Variants in TUBB6 observed in about 807,000 individuals in gnomAD.
TUBB6 encodes the protein tubulin beta-6 chain.
In TUBB6, 18 loss-of-function variants were observed where a neutral mutation model predicts 32.3. The ratio of observed to expected loss-of-function variants is 0.56; its 90% confidence interval spans 0.39 to 0.83. The LOEUF (loss-of-function observed/expected upper bound fraction) is 0.83, where lower values mean the gene tolerates loss of function less well. TUBB6 is among the 40% of genes least tolerant of loss of function. TUBB6 has a pLI of 0.00. For synonymous variants in TUBB6, 280 were observed against 265.8 expected (o/e 1.05, Z -0.52); for missense variants, 480 against 632.0 (o/e 0.76, Z 2.58).
intron 3 of TUBB6, among the ~76,000 whole-genome samples, chr18:12,317,618 C>A (rs9807728): frequency 0.065 from 9,889 of 152,274 alleles, 477 homozygotes; most frequent in East Asian, 0.2. Flanking sequence ...ACTTTTTCTT[C>A]CAGATTCAGG....
chr18:12,316,309 C>CT (rs1906671780), intron 3 of TUBB6, among the ~76,000 whole-genome samples: 1 of 152,176 alleles, frequency 6.6e-6, no homozygotes, highest in Non-Finnish European at 1.5e-5. Context: ...AGTGTAAGGT[C>CT]TTTCTAGCTG....
rs139388838 is a variant in TUBB6 at position 12,325,101 on chromosome 18, G to T, written c.312G>T (p.Gly104=). ...GTGCAGGGAACAACTGGGCGAAAGG[G>T]CACTACACGGAGGGCGCGGAGCTGG... ...QTGAGNNWAK[G]HYTEGAELVD... is the part of the protein sequence containing the mutation. The change falls in exon 4 of 4, where the codon GGG becomes GGT. Residue 104 remains glycine (G), a synonymous_variant. Coordinates refer to ENST00000317702, the MANE Select transcript of TUBB6 (RefSeq NM_032525.3). 59 of 1,588,488 alleles carry T rather than the reference G, an allele frequency of 3.7e-5. No individual in the cohort carries two copies. Among genetic ancestry groups the T allele is most frequent in the Non-Finnish European group, 4.8e-5 (56 of 1,164,882 alleles).
intron 3 of TUBB6, among the ~76,000 whole-genome samples, chr18:12,312,751 GCA>G (rs1465264729): frequency 6.6e-6 from 1 of 151,826 alleles, no homozygotes; most frequent in Admixed American, 6.6e-5. Flanking sequence ...TGTAATCCCA[GCA>G]CTTTGGGAGG....
rs767078597 is a variant in TUBB6 at position 12,308,703 on chromosome 18, G to A, written c.74G>A (p.Ser25Asn). 94 of 1,612,074 alleles carry A rather than the reference G, an allele frequency of 5.8e-5. No homozygotes were observed. The highest frequency in any genetic ancestry group is 7.1e-5 in the Non-Finnish European group (84 of 1,178,476). The change falls in exon 2 of 4, where the codon AGC (serine) becomes AAC (asparagine). Residue 25 changes from serine to asparagine, a missense_variant. Transcript: ENST00000317702. ...QIGTKFWEVISDEHGIDPAGG... is the reference protein window; with the variant it reads ...QIGTKFWEVINDEHGIDPAGG... ...CTGCCCAAGTTTTGGGAAGTGATCA[G>A]CGATGAGCACGGCATCGACCCGGCC... is the stretch of plus-strand genomic sequence containing the variant.
At chr18:12,323,570 G>A (rs1322280066) in intron 3 of TUBB6, among the ~76,000 whole-genome samples, 4 of 152,170 alleles carry the variant, frequency 2.6e-5, no homozygotes, top group African/African-American at 9.7e-5. Context: ...CACTTTGGGA[G>A]GCCGAAGTGG....
At chr18:12,308,926 T>A in intron 2 of TUBB6, 131 bp downstream of exon 2, 1 of 654,848 alleles carries the variant, frequency 1.5e-6, no homozygotes, top group Non-Finnish European at 2.8e-6. Context: ...GCCACTCCCT[T>A]CGCTCCTCCG....
At chr18:12,329,114 GT>G (rs1907426434), downstream of TUBB6, 1 of 702,704 alleles carries the variant, frequency 1.4e-6, no homozygotes, top group Non-Finnish European at 2.6e-6. Context: ...AAATTAAAAT[GT>G]TCTTATCAAG....
chr18:12,314,307 CTTG>C (rs1424808312), intron 3 of TUBB6, among the ~76,000 whole-genome samples: 2 of 152,154 alleles, frequency 1.3e-5, no homozygotes, highest in East Asian at 2.0e-4. Flanking sequence ...ATCTCCCCCA[CTTG>C]TTGTAGAATT....
chr18:12,316,702 G>T (rs997810789), intron 3 of TUBB6, among the ~76,000 whole-genome samples: 1 of 152,184 alleles, frequency 6.6e-6, no homozygotes, highest in African/African-American at 2.4e-5. Flanking sequence ...TAGTTTTTAA[G>T]TCGTTCTCCA....
At position 12,325,076 on chromosome 18, in the gene TUBB6, G is replaced by C. The variant is rs779600270; in HGVS notation, c.287G>C (p.Gly96Ala). The C allele has an allele frequency of 4.5e-6, 7 of 1,571,876 alleles. No homozygotes were observed. The highest frequency in any genetic ancestry group is 6.1e-6 in the Non-Finnish European group (7 of 1,155,622). The change falls in exon 4 of 4, where the codon GGT (glycine) becomes GCT (alanine). Residue 96 changes from glycine (G) to alanine (A), a missense_variant. Coordinates refer to ENST00000317702, the MANE Select transcript of TUBB6 (RefSeq NM_032525.3). ...ACTCTCTTTGTTGCAGGCCAGACGG[G>C]TGCAGGGAACAACTGGGCGAAAGGG... ...RPDNFIFGQTGAGNNWAKGHY... is the reference protein window; with the variant it reads ...RPDNFIFGQTAAGNNWAKGHY...
rs1907301329 is a variant in TUBB6 at position 12,326,017 on chromosome 18, G to A, written c.1228G>A (p.Glu410Lys). 1.9e-6 allele frequency: 3 copies of A among 1,614,150 alleles called. No homozygotes were observed. The highest frequency in any genetic ancestry group is 1.7e-6 in the Non-Finnish European group (2 of 1,180,048). The stretch of plus-strand genomic sequence containing the variant: ...GGGCATGGATGAAATGGAGTTCACC[G>A]AGGCGGAGAGCAACATGAACGACCT... ...GEGMDEMEFTEAESNMNDLVS... is the reference protein window; with the variant it reads ...GEGMDEMEFTKAESNMNDLVS... Residue 410 changes from glutamate to lysine, a missense_variant, in exon 4 of 4, where the codon GAG becomes AAG. Transcript: ENST00000317702.
rs763535687 is a variant in TUBB6, at chr18:12,325,808, A to G, written c.1019A>G (p.Tyr340Cys). Residue 340 changes from tyrosine to cysteine, a missense_variant, in exon 4 of 4, where the codon TAC becomes TGC. By Grantham distance (194) the Tyr-to-Cys change is radical. Transcript: ENST00000317702. ...GCCATCCAGAGTAAGAACAGCAGCT[A>G]CTTCGTGGAGTGGATTCCCAACAAC... is the stretch of plus-strand genomic sequence containing the variant. ...MLAIQSKNSS[Y>C]FVEWIPNNVK... 1 of 1,614,234 alleles carries G rather than the reference A, an allele frequency of 6.2e-7. No individual in the cohort carries two copies. Among genetic ancestry groups the G allele is most frequent in the South Asian group, 1.1e-5 (1 of 91,086 alleles).
chr18:12,324,445 C>CTT (rs201642073), intron 3 of TUBB6, among the ~76,000 whole-genome samples: 91,814 of 143,858 alleles, frequency 0.64, 31,137 homozygotes, highest in Non-Finnish European at 0.76. Flanking sequence ...AAGGAGAGAA[C>CTT]TTTTTTTTTT....
At chr18:12,308,148 G>A (rs991176277), upstream of TUBB6, 1 of 321,290 alleles carries the variant, frequency 3.1e-6, no homozygotes, top group African/African-American at 2.3e-5. Context: ...CGTCGAGCGG[G>A]GGCGGCGGGG....
chr18:12,312,014 C>G (rs983632318), intron 3 of TUBB6, among the ~76,000 whole-genome samples: 1 of 152,140 alleles, frequency 6.6e-6, no homozygotes, highest in African/African-American at 2.4e-5. Flanking sequence ...AATTTGAAGA[C>G]TGATTCTGGC....
Position 12,326,127 on chromosome 18 carries a change from A to G in TUBB6, c.1338A>G (p.Gly446=). 3 of 1,609,638 alleles carry G rather than the reference A, an allele frequency of 1.9e-6. No individual in the cohort carries two copies. Among genetic ancestry groups the G allele is most frequent in the Non-Finnish European group, 2.5e-6 (3 of 1,177,560 alleles). ...AFEDEEEEID[G] ...AGGATGAGGAAGAGGAGATCGATGGATAGTCGGAATAGAGCCGCCCCAACT... is the reference window on the plus strand; with the variant it reads ...AGGATGAGGAAGAGGAGATCGATGGGTAGTCGGAATAGAGCCGCCCCAACT... The change falls in exon 4 of 4, where the codon GGA becomes GGG. Residue 446 remains glycine (G), a synonymous_variant. Coordinates refer to ENST00000317702, the MANE Select transcript of TUBB6 (RefSeq NM_032525.3).
At chr18:12,320,005 G>T (rs1350970165) in intron 3 of TUBB6, among the ~76,000 whole-genome samples, 4 of 151,864 alleles carry the variant, frequency 2.6e-5, no homozygotes, top group African/African-American at 7.3e-5. Flanking sequence ...AGCGAGGATG[G>T]TCTCAATCTC....
chr18:12,314,423 C>T (rs188573913), intron 3 of TUBB6, among the ~76,000 whole-genome samples: 9 of 152,078 alleles, frequency 5.9e-5, no homozygotes, highest in Middle Eastern at 3.4e-3. Context: ...CTGAGTCTAC[C>T]GTAGTCTCAG....
chr18:12,325,886 C>G lies in TUBB6; in HGVS notation c.1097C>G (p.Thr366Ser). The G allele has an allele frequency of 6.2e-7, 1 of 1,614,148 alleles. No individual in the cohort carries two copies. Among genetic ancestry groups the G allele is most frequent in the Non-Finnish European group, 8.5e-7 (1 of 1,180,052 alleles). Residue 366 changes from threonine (T) to serine (S), a missense_variant, in exon 4 of 4, where the codon ACC (threonine) becomes AGC (serine). Physicochemically the swap from Thr to Ser is moderately conservative, Grantham distance 58. Transcript: ENST00000317702. ...IPPRGLKMAS[T>S]FIGNSTAIQE... Reference sequence around the variant, plus strand: ...CCCCGCGGCCTGAAGATGGCCTCCACCTTCATCGGCAACAGCACGGCCATC... The same window carrying G: ...CCCCGCGGCCTGAAGATGGCCTCCAGCTTCATCGGCAACAGCACGGCCATC...
Sources: gnomAD v4.1 joint callset for allele counts (sites outside exome capture counted in the v4.1 genomes callset) on GRCh38, gnomAD v4.1.1 for gene constraint, MANE v1.5 for transcripts, NCBI Gene and HGNC (gene_info 2026-07-23, HGNC 2026-07-21) for gene names.